Variants in TIMP2 observed in about 807,000 individuals in gnomAD.
TIMP2 encodes TIMP metallopeptidase inhibitor 2.
Under a neutral mutation model 24.3 loss-of-function variants are expected in TIMP2, and 5 were observed. That is an observed-to-expected ratio of 0.21 (90% CI 0.11 to 0.43). The LOEUF (loss-of-function observed/expected upper bound fraction) is 0.43. Ranked by LOEUF, TIMP2 falls within the 20% of genes least tolerant of loss-of-function variation. The pLI is 1.00. For missense variants in TIMP2, 221 were observed against 297.5 expected (o/e 0.74, Z 1.89); for synonymous variants, 130 against 123.2 (o/e 1.06, Z -0.37).
At chr17:78,913,282 C>G (rs2070225090) in intron 1 of TIMP2, among the ~76,000 whole-genome samples, 1 of 152,172 alleles carries the variant, frequency 6.6e-6, no homozygotes, top group African/African-American at 2.4e-5. Flanking sequence ...TCACGTGAAC[C>G]CACGTTGAGG....
At chr17:78,876,468 T>C (rs569306971) in intron 1 of TIMP2, among the ~76,000 whole-genome samples, 2 of 152,170 alleles carry the variant, frequency 1.3e-5, no homozygotes, top group East Asian at 3.9e-4. Flanking sequence ...CTGCCTTAGC[T>C]TCCCAGGTAG....
chr17:78,886,948 C>T (rs932156354), intron 1 of TIMP2, among the ~76,000 whole-genome samples: 4 of 152,134 alleles, frequency 2.6e-5, no homozygotes, highest in Admixed American at 6.6e-5. Flanking sequence ...TCTCATATTC[C>T]TGGGCTCAAG....
At chr17:78,880,048 C>T (rs918381488) in intron 1 of TIMP2, among the ~76,000 whole-genome samples, 14 of 152,138 alleles carry the variant, frequency 9.2e-5, no homozygotes, top group Non-Finnish European at 2.1e-4. Context: ...CTGCTGCTCT[C>T]GGAGGGGAGC....
intron 1 of TIMP2, chr17:78,890,898 C>A: frequency 6.4e-7 from 1 of 1,550,714 alleles, no homozygotes; most frequent in Non-Finnish European, 8.7e-7. Flanking sequence ...TCTAGCTCAG[C>A]TTTGTAGTGG....
chr17:78,890,271 G>A (rs577171392), intron 1 of TIMP2, among the ~76,000 whole-genome samples: 8 of 147,874 alleles, frequency 5.4e-5, no homozygotes, highest in African/African-American at 2.0e-4. Context: ...GTGCAATCTC[G>A]ACTCACTGCA....
At chr17:78,883,204 C>G (rs2069794157) in intron 1 of TIMP2, among the ~76,000 whole-genome samples, 1 of 152,212 alleles carries the variant, frequency 6.6e-6, no homozygotes, top group Admixed American at 6.5e-5. Context: ...GCAGAGGGGG[C>G]ACCATAGGAG....
At chr17:78,917,498 T>C (rs2070270403) in intron 1 of TIMP2, among the ~76,000 whole-genome samples, 1 of 152,188 alleles carries the variant, frequency 6.6e-6, no homozygotes, top group African/African-American at 2.4e-5. Context: ...CCAAATTCTA[T>C]TGTAAAACAA....
At chr17:78,881,024 C>T (rs1217646555) in intron 1 of TIMP2, among the ~76,000 whole-genome samples, 1 of 152,214 alleles carries the variant, frequency 6.6e-6, no homozygotes, top group African/African-American at 2.4e-5. Flanking sequence ...GCCCACTGTC[C>T]CTCAAAGTCA....
intron 1 of TIMP2, among the ~76,000 whole-genome samples, chr17:78,911,295 C>A (rs1477342375): frequency 6.6e-6 from 1 of 152,180 alleles, no homozygotes; most frequent in African/African-American, 2.4e-5. Flanking sequence ...CACACTCCTG[C>A]CTTTCTTCCT....
rs142163038 is a variant in TIMP2 at position 78,855,928 on chromosome 17, T to C, written c.466-64A>G. ...CCAGGAAGGGGTGGGCAGAGGCTGC[T>C]CTGGGGGCATGTCCAGAACCCGGCA... On this transcript the variant is annotated intron_variant, in intron 4 of 4. Transcript: ENST00000262768. The surrounding 1 kb of genome is among the most constrained non-coding windows in gnomAD (Gnocchi z 6.0). 9.5e-4 allele frequency: 1,461 copies of C among 1,539,890 alleles called. 2 individuals carry two copies. The highest frequency in any genetic ancestry group is 6.6e-3 in the African/African-American group (484 of 73,562).
intron 3 of TIMP2, among the ~76,000 whole-genome samples, chr17:78,863,612 G>C (rs1191296463): frequency 6.6e-6 from 1 of 152,148 alleles, no homozygotes; most frequent in Non-Finnish European, 1.5e-5. Context: ...TCCCGCCACA[G>C]GTCCAGGGAG....
rs2145777402 is a variant in TIMP2 at position 78,896,361 on chromosome 17, T to C, written c.131-22442A>G. Among the ~76,000 whole-genome samples, 1 of 152,242 alleles carries C rather than the reference T, an allele frequency of 6.6e-6. No individual in the cohort carries two copies. Among genetic ancestry groups the C allele is most frequent in the Non-Finnish European group, 1.5e-5 (1 of 67,990 alleles). ...CCTCTGCCTGTGATGCCCAGGCTGA[T>C]CTCCAGGCAGCCCAGTGTCTCTCCA... On this transcript the variant is annotated intron_variant, in intron 1 of 4. Coordinates refer to ENST00000262768, the MANE Select transcript of TIMP2 (RefSeq NM_003255.5). The surrounding 1 kb of genome is among the most constrained non-coding windows in gnomAD (Gnocchi z 4.4).
At chr17:78,907,401 G>C (rs977231389) in intron 1 of TIMP2, among the ~76,000 whole-genome samples, 3 of 152,180 alleles carry the variant, frequency 2.0e-5, no homozygotes, top group South Asian at 2.1e-4. Context: ...GGGAGGCCTA[G>C]GCAGAGAGAG....
At chr17:78,871,621 C>T (rs1369657070) in intron 2 of TIMP2, among the ~76,000 whole-genome samples, 1 of 151,794 alleles carries the variant, frequency 6.6e-6, no homozygotes, top group African/African-American at 2.4e-5. Flanking sequence ...CCGAGGCAGG[C>T]AGATCACGAG....
In TIMP2 at chr17:78,911,431, T is replaced by TG. The variant is rs796832920; in HGVS notation, c.130+13527_130+13528insC. 3.4e-4 allele frequency among the ~76,000 whole-genome samples: 51 copies of TG among 152,000 alleles called. 1 individual carries two copies. Among genetic ancestry groups the TG allele is most frequent in the African/African-American group, 1.2e-3 (51 of 41,458 alleles). ...CTCCAGTGCTTTTGTTGTTTTTGTTTTTTGTTTTTTGTTTTTTGAGACAGA... is the reference window on the plus strand; with the variant it reads ...CTCCAGTGCTTTTGTTGTTTTTGTTTGTTTGTTTTTTGTTTTTTGAGACAGA... On this transcript the variant is annotated intron_variant, in intron 1 of 4. Transcript: ENST00000262768.
intron 3 of TIMP2, among the ~76,000 whole-genome samples, chr17:78,866,651 C>G (rs538094715): frequency 5.3e-4 from 80 of 152,210 alleles, no homozygotes; most frequent in African/African-American, 1.9e-3. Flanking sequence ...AAATGCACAT[C>G]AAATGATGAC....
At chr17:78,885,234 T>C (rs1706976725) in intron 1 of TIMP2, among the ~76,000 whole-genome samples, 1 of 152,166 alleles carries the variant, frequency 6.6e-6, no homozygotes, top group South Asian at 2.1e-4. Context: ...GGACGAAGGT[T>C]CCAGCAAATG....
chr17:78,890,842 C>T (rs934789998), intron 1 of TIMP2: 14 of 1,550,610 alleles, frequency 9.0e-6, no homozygotes, highest in Non-Finnish European at 1.2e-5. Flanking sequence ...TGGAGGAGGA[C>T]TTCAGATGGG....
chr17:78,855,710 G>A lies in TIMP2; in HGVS notation c.620C>T (p.Ala207Val), dbSNP rs775066324. 6.8e-6 allele frequency: 11 copies of A among 1,613,990 alleles called. No homozygotes were observed. The highest frequency in any genetic ancestry group is 4.5e-5 in the East Asian group (2 of 44,890). Residue 207 changes from alanine (A) to valine (V), a missense_variant, in exon 5 of 5, where the codon GCG (alanine) becomes GTG (valine). Transcript: ENST00000262768. This position sits in a 1 kb window ranked among gnomAD's most constrained non-coding sequence, Gnocchi z 6.0. ...SDGSCAWYRG[A>V]APPKQEFLDI... Reference sequence around the variant, plus strand: ...GAGAAACTCCTGCTTGGGGGGCGCCGCGCCGCGGTACCACGCACAGGAGCC... The same window carrying A: ...GAGAAACTCCTGCTTGGGGGGCGCCACGCCGCGGTACCACGCACAGGAGCC...
Sources: gnomAD v4.1 joint callset for allele counts (sites outside exome capture counted in the v4.1 genomes callset) on GRCh38, gnomAD v4.1.1 for gene constraint, Gnocchi (gnomAD v3.1) non-coding constraint, MANE v1.5 for transcripts, NCBI Gene and HGNC (gene_info 2026-07-23, HGNC 2026-07-21) for gene names.